ARHGEF3: variants seen among roughly 807,000 people sequenced by gnomAD.
ARHGEF3 encodes the protein Rho guanine nucleotide exchange factor 3.
A neutral mutation model predicts 63.2 loss-of-function variants in ARHGEF3; 28 were observed. The ratio of observed to expected loss-of-function variants is 0.44; its 90% confidence interval spans 0.33 to 0.61. ARHGEF3 has a LOEUF of 0.61. Ranked by LOEUF, ARHGEF3 falls within the 20% of genes least tolerant of loss-of-function variation. The pLI, the probability that ARHGEF3 is intolerant of heterozygous loss-of-function variation, is 0.03. For synonymous variants in ARHGEF3, 266 were observed against 254.2 expected (o/e 1.05, Z -0.44); for missense variants, 533 against 659.3 (o/e 0.81, Z 2.10).
intron 3 of ARHGEF3, among the ~76,000 whole-genome samples, chr3:56,883,302 CTTT>C (rs112313795): frequency 1.1e-4 from 15 of 140,946 alleles, no homozygotes; most frequent in Non-Finnish European, 6.2e-5. Flanking sequence ...GTATGTTTTT[CTTT>C]TTTTTTTTTT....
intron 2 of ARHGEF3, chr3:56,960,914 T>G (rs1700251410): frequency 6.6e-6 from 1 of 152,268 alleles, no homozygotes; most frequent in Non-Finnish European, 1.5e-5. Context: ...CAGTCATAAC[T>G]GGGCTTTGCT....
At chr3:56,934,793 C>G (rs909287995) in intron 3 of ARHGEF3, among the ~76,000 whole-genome samples, 1 of 152,212 alleles carries the variant, frequency 6.6e-6, no homozygotes, top group African/African-American at 2.4e-5. Context: ...CCGACGAGCG[C>G]CACCCCCTGC....
intron 4 of ARHGEF3, among the ~76,000 whole-genome samples, chr3:56,847,223 T>C (rs191713560): frequency 6.6e-6 from 1 of 152,314 alleles, no homozygotes; most frequent in East Asian, 1.9e-4. Flanking sequence ...TCAGGGGTAA[T>C]GTGGTCTTCC....
intron 1 of ARHGEF3, among the ~76,000 whole-genome samples, chr3:57,070,270 A>G (rs1200259870): frequency 6.6e-6 from 1 of 152,200 alleles, no homozygotes; most frequent in Non-Finnish European, 1.5e-5. Context: ...CAGATCTGTC[A>G]TATGTGTGTC....
intron 2 of ARHGEF3, among the ~76,000 whole-genome samples, chr3:57,028,717 A>T (rs1394471907): frequency 1.5e-5 from 2 of 133,184 alleles, no homozygotes; most frequent in Non-Finnish European, 1.6e-5. Context: ...TAAATAAATA[A>T]AAAAAAAAGA....
chr3:56,882,343 T>C (rs1466668417), exon 4 of ARHGEF3: 3 of 1,551,716 alleles, frequency 1.9e-6, no homozygotes, highest in African/African-American at 1.4e-5. Context: ...GGGTGCTCTG[T>C]TTCCGTTTTC....
chr3:56,798,405 TA>T (rs1390113350), intron 1 of ARHGEF3, among the ~76,000 whole-genome samples: 1 of 152,132 alleles, frequency 6.6e-6, no homozygotes, highest in African/African-American at 2.4e-5. Flanking sequence ...CTTACAAAAA[TA>T]ACAGAAACAC....
At position 56,911,911 on chromosome 3, in the gene ARHGEF3, C is replaced by T. The variant is rs1025552132; in HGVS notation, c.130-29557G>A. On this transcript the variant is annotated intron_variant, in intron 3 of 12. Transcript: ENST00000338458. ...TCATGCCACTGCACTCCAGCCTGGG[C>T]GACAGAGCAAGACTGTCTCTAAAAG... is the stretch of plus-strand genomic sequence containing the variant. 5.3e-5 allele frequency among the ~76,000 whole-genome samples: 8 copies of T among 149,996 alleles called. No individual in the cohort carries two copies. The East Asian group carries it at 5.8e-4, about 11-fold the overall frequency.
At chr3:56,767,798 G>C (rs2035791670) in intron 2 of ARHGEF3, among the ~76,000 whole-genome samples, 1 of 151,534 alleles carries the variant, frequency 6.6e-6, no homozygotes, top group South Asian at 2.1e-4. Context: ...CTAGGCTGGA[G>C]TGCAGTGGCA....
At chr3:56,970,567 A>G (rs1158570594) in intron 2 of ARHGEF3, among the ~76,000 whole-genome samples, 1 of 151,674 alleles carries the variant, frequency 6.6e-6, no homozygotes, top group Non-Finnish European at 1.5e-5. Flanking sequence ...ATGTCCTCCC[A>G]CTCCCACTTC....
At chr3:56,960,195 C>A (rs1560085546) in intron 2 of ARHGEF3, among the ~76,000 whole-genome samples, 1 of 152,126 alleles carries the variant, frequency 6.6e-6, no homozygotes, top group Non-Finnish European at 1.5e-5. Context: ...CAATACTGAG[C>A]ACTTTAAAAA....
At chr3:57,035,848 A>T (rs151044519) in intron 1 of ARHGEF3, among the ~76,000 whole-genome samples, 1 of 152,320 alleles carries the variant, frequency 6.6e-6, no homozygotes, top group Non-Finnish European at 1.5e-5. Flanking sequence ...CAAGGTAGAA[A>T]CCACCTGGGC....
intron 1 of ARHGEF3, among the ~76,000 whole-genome samples, chr3:56,798,193 T>G (rs2037464677): frequency 6.6e-6 from 1 of 152,242 alleles, no homozygotes; most frequent in Non-Finnish European, 1.5e-5. Flanking sequence ...AATAAGAACC[T>G]ATACTTTGGA....
intron 3 of ARHGEF3, among the ~76,000 whole-genome samples, chr3:56,943,792 G>A (rs1195379444): frequency 2.0e-5 from 3 of 151,902 alleles, no homozygotes; most frequent in African/African-American, 7.3e-5. Context: ...GTGGGTGCCT[G>A]TAATCCCAGC....
At chr3:56,802,780 T>C (rs1053535373), upstream of ARHGEF3, among the ~76,000 whole-genome samples, 3 of 152,208 alleles carry the variant, frequency 2.0e-5, no homozygotes, top group African/African-American at 7.2e-5. Flanking sequence ...AAGAAGGCGA[T>C]TGATCTTAAG....
At chr3:56,986,933 C>G (rs1053426421) in intron 2 of ARHGEF3, among the ~76,000 whole-genome samples, 1 of 151,982 alleles carries the variant, frequency 6.6e-6, no homozygotes, top group Non-Finnish European at 1.5e-5. Context: ...CTTTGGAGGC[C>G]GGGTGTGATG....
intron 4 of ARHGEF3, among the ~76,000 whole-genome samples, chr3:56,829,973 C>A (rs138124366): frequency 1.3e-5 from 2 of 152,182 alleles, no homozygotes; most frequent in African/African-American, 2.4e-5. Flanking sequence ...ATCCGATGAT[C>A]GTGTTATGGC....
At chr3:57,014,932 G>A (rs917919188) in intron 2 of ARHGEF3, among the ~76,000 whole-genome samples, 6 of 151,904 alleles carry the variant, frequency 3.9e-5, no homozygotes, top group Admixed American at 1.3e-4. Context: ...TGATCCTCCC[G>A]CCTCGGCCTC....
intron 1 of ARHGEF3, among the ~76,000 whole-genome samples, chr3:56,793,172 T>TTTC (rs2037175356): frequency 1.5e-5 from 1 of 68,326 alleles, no homozygotes; most frequent in African/African-American, 3.8e-5. Flanking sequence ...CCCAGATAAT[T>TTTC]TTTTTTTTTT....
Sources: allele counts gnomAD v4.1 joint callset (sites outside exome capture counted in the v4.1 genomes callset), GRCh38; gene constraint gnomAD v4.1.1; transcripts MANE v1.5; gene names NCBI Gene and HGNC (gene_info 2026-07-23, HGNC 2026-07-21).